SLC35B4: variants seen among roughly 807,000 people sequenced by gnomAD.
The protein encoded by SLC35B4 is solute carrier family 35 member B4.
Under a neutral mutation model 39.5 loss-of-function variants are expected in SLC35B4, and 28 were observed. The observed-to-expected ratio is 0.71, with a 90% CI of 0.53 to 0.97. The LOEUF is 0.97. Ranked by LOEUF, SLC35B4 falls within the 50% of genes least tolerant of loss-of-function variation. SLC35B4 has a pLI of 0.00. For synonymous variants in SLC35B4, 145 were observed against 150.4 expected (o/e 0.96, Z 0.26); for missense variants, 334 against 414.3 (o/e 0.81, Z 1.68).
upstream of SLC35B4, chr7:134,316,993 G>C (rs1249118504): frequency 5.5e-6 from 3 of 547,790 alleles, no homozygotes; most frequent in African/African-American, 5.9e-5. Flanking sequence ...GCCCCGGCCA[G>C]ACTACATGTC....
At chr7:134,306,832 T>C in intron 2 of SLC35B4, 58 bp from the exon 3 acceptor site, 4 of 1,409,590 alleles carry the variant, frequency 2.8e-6, no homozygotes, top group South Asian at 1.3e-5. Context: ...GAAAATCAAG[T>C]ATAGGAAATA....
upstream of SLC35B4, among the ~76,000 whole-genome samples, chr7:134,319,125 A>G (rs1173755539): frequency 6.6e-6 from 1 of 152,204 alleles, no homozygotes; most frequent in Non-Finnish European, 1.5e-5. Flanking sequence ...GACCAAAATC[A>G]TGCTCAAAGA....
upstream of SLC35B4, among the ~76,000 whole-genome samples, chr7:134,318,285 A>T (rs1200037881): frequency 6.6e-6 from 1 of 152,220 alleles, no homozygotes; most frequent in Non-Finnish European, 1.5e-5. Flanking sequence ...GAATTTGAGA[A>T]CTGCTGCCTT....
chr7:134,291,795 A>G lies in SLC35B4; in HGVS notation c.*3038T>C, dbSNP rs1402735422. The G allele has an allele frequency of 6.6e-6, 1 of 152,260 alleles. No homozygotes were observed. Among genetic ancestry groups the G allele is most frequent in the Non-Finnish European group, 1.5e-5 (1 of 68,042 alleles). 9.4% of individuals were successfully genotyped at this position (152,260 alleles called of 1,614,324 possible). On this transcript the variant is annotated 3_prime_UTR_variant, in exon 10 of 10. Transcript: ENST00000378509. The stretch of plus-strand genomic sequence containing the variant: ...TAGTTGGACGAAAAAGAAAACAAAG[A>G]ATCAAAAATAAATTACTAATAAACA...
At chr7:134,300,343 G>C in intron 6 of SLC35B4, 82 bp from the exon 7 acceptor site, 1 of 965,888 alleles carries the variant, frequency 1.0e-6, no homozygotes, top group East Asian at 2.5e-5. Flanking sequence ...ATTGTTTAAA[G>C]TCCTGCAAAT....
Position 134,300,239 on chromosome 7 carries a change from A to C in SLC35B4, c.510T>G (p.Ala170=), listed in dbSNP as rs768012751. 1 of 1,611,640 alleles carries C rather than the reference A, an allele frequency of 6.2e-7. No individual in the cohort carries two copies. Among genetic ancestry groups the C allele is most frequent in the East Asian group, 2.2e-5 (1 of 44,780 alleles). The change falls in exon 7 of 10, where the codon GCT becomes GCG. Residue 170 remains alanine, a synonymous_variant. Transcript: ENST00000378509. ...TCCCCATCCTTGCTGACATCAGAAG[A>C]GCAAAAGTCAATGCCCCAATACCTA... is the stretch of plus-strand genomic sequence containing the variant. The part of the protein sequence containing the change: ...WLLGIGALTF[A]LLMSARMGIF...
At chr7:134,302,605 T>C (rs1803609540) in intron 4 of SLC35B4, among the ~76,000 whole-genome samples, 1 of 152,144 alleles carries the variant, frequency 6.6e-6, no homozygotes, top group Non-Finnish European at 1.5e-5. Flanking sequence ...TTTTTTTAAA[T>C]CTCTGAATGA....
At chr7:134,310,126 C>T (rs1174538238) in intron 1 of SLC35B4, among the ~76,000 whole-genome samples, 1 of 152,148 alleles carries the variant, frequency 6.6e-6, no homozygotes, top group African/African-American at 2.4e-5. Flanking sequence ...AAGAAAACAA[C>T]GTCTAAAAAG....
chr7:134,308,209 AC>A (rs1283086580), intron 2 of SLC35B4, among the ~76,000 whole-genome samples: 1 of 152,208 alleles, frequency 6.6e-6, no homozygotes, highest in African/African-American at 2.4e-5. Flanking sequence ...CGTGGTAACC[AC>A]AGAGTGGGGC....
chr7:134,316,946 G>A, upstream of SLC35B4: 1 of 590,986 alleles, frequency 1.7e-6, no homozygotes, highest in Non-Finnish European at 3.0e-6. Flanking sequence ...GTAGTTCGCA[G>A]TCAGCTTCGG....
At chr7:134,309,819 A>G (rs1250119377) in intron 1 of SLC35B4, among the ~76,000 whole-genome samples, 1 of 152,202 alleles carries the variant, frequency 6.6e-6, no homozygotes, top group Admixed American at 6.5e-5. Flanking sequence ...CTTCACCAGA[A>G]AGGTCTTTAA....
Position 134,305,361 on chromosome 7 carries a change from C to CG in SLC35B4, c.295-508_295-507insC, listed in dbSNP as rs1238308628. On this transcript the variant is annotated intron_variant, in intron 3 of 9. Transcript: ENST00000378509. Reference sequence around the variant, plus strand: ...GTATATATATATATATTTAAAAAACCTTTTAAAGATGACAATGAGAATAAA... The same window carrying CG: ...GTATATATATATATATTTAAAAAACCGTTTTAAAGATGACAATGAGAATAAA... 1.3e-4 allele frequency among the ~76,000 whole-genome samples: 19 copies of CG among 148,048 alleles called. No individual in the cohort carries two copies. The East Asian group carries it at 2.9e-3, about 23-fold the overall frequency.
upstream of SLC35B4, among the ~76,000 whole-genome samples, chr7:134,319,685 C>G (rs893086628): frequency 1.3e-5 from 2 of 152,184 alleles, no homozygotes; most frequent in African/African-American, 4.8e-5. Flanking sequence ...ACTAATGTTT[C>G]CCTGTAAACC....
chr7:134,297,305 G>A (rs76793932), intron 8 of SLC35B4, among the ~76,000 whole-genome samples: 3,152 of 152,272 alleles, frequency 0.021, 107 homozygotes, highest in African/African-American at 0.072. Context: ...ATAACTTGGC[G>A]TCATTCTTTA....
At position 134,293,883 on chromosome 7, in the gene SLC35B4, C is replaced by T. The variant is rs1803395635; in HGVS notation, c.*950G>A. The stretch of plus-strand genomic sequence containing the variant: ...CCTCAGCTCACTGCAACCTTCATCT[C>T]CCGGGTTCAAGTGATTCTCCTGCCT... On this transcript the variant is annotated 3_prime_UTR_variant, in exon 10 of 10. Coordinates refer to ENST00000378509, the MANE Select transcript of SLC35B4 (RefSeq NM_032826.5). 2 of 152,120 alleles carry T rather than the reference C, an allele frequency of 1.3e-5. No individual in the cohort carries two copies. Among genetic ancestry groups the T allele is most frequent in the Admixed American group, 1.3e-4 (2 of 15,258 alleles). The allele number at this position is 152,120 out of a possible 1,614,324, so 9.4% of individuals were successfully genotyped here. A position where few individuals can be genotyped will look rare whatever the true frequency, so the allele number is the denominator to read the frequency against.
chr7:134,296,420 C>T lies in SLC35B4; in HGVS notation c.720G>A (p.Trp240Ter), dbSNP rs1339682012. The change falls in exon 9 of 10, where the codon TGG becomes TGA. Residue 240 changes from tryptophan (W) to a stop codon, truncating the protein, a stop_gained. Transcript: ENST00000378509. LOFTEE classifies it high-confidence loss of function. The part of the protein sequence containing the change: ...PVIGVTLPIM[W>*]FYLLMNIITQ... ...TGATGATGTTCATGAGGAGGTAGAACCACATGATGGGCAGGGTCACTCCGA... is the reference window on the plus strand; with the variant it reads ...TGATGATGTTCATGAGGAGGTAGAATCACATGATGGGCAGGGTCACTCCGA... The T allele has an allele frequency of 6.2e-7, 1 of 1,614,026 alleles. No individual in the cohort carries two copies. Among genetic ancestry groups the T allele is most frequent in the Non-Finnish European group, 8.5e-7 (1 of 1,179,958 alleles).
intron 8 of SLC35B4, among the ~76,000 whole-genome samples, chr7:134,298,287 T>A (rs747533802): frequency 6.6e-6 from 1 of 152,184 alleles, no homozygotes; most frequent in Non-Finnish European, 1.5e-5. Context: ...TTTTAATAAC[T>A]TCAGAGATAC....
intron 6 of SLC35B4, among the ~76,000 whole-genome samples, 153 bp downstream of exon 6, chr7:134,301,608 G>A (rs1464588157): frequency 1.3e-5 from 2 of 152,130 alleles, no homozygotes; most frequent in African/African-American, 2.4e-5. Flanking sequence ...TTTCTTGAAC[G>A]CTAAGGCTCA....
chr7:134,310,595 AGTGCAGTG>A (rs1411012781), intron 1 of SLC35B4, among the ~76,000 whole-genome samples: 1 of 147,482 alleles, frequency 6.8e-6, no homozygotes, highest in African/African-American at 2.5e-5. Context: ...CCCAGGCTGG[AGTGCAGTG>A]GTGCCATCTT....
Sources: gnomAD v4.1 joint callset for allele counts (sites outside exome capture counted in the v4.1 genomes callset) on GRCh38, gnomAD v4.1.1 for gene constraint, MANE v1.5 for transcripts, NCBI Gene and HGNC (gene_info 2026-07-23, HGNC 2026-07-21) for gene names.